Variants in ROBO1 observed in about 807,000 individuals in gnomAD.
ROBO1 encodes the protein roundabout guidance receptor 1.
ROBO1 carries 149 observed loss-of-function variants against 195.9 expected under a neutral mutation model. The observed-to-expected ratio is 0.76, with a 90% CI of 0.67 to 0.87. The LOEUF is 0.87. Among genes scored for constraint, ROBO1 ranks in the 40% least tolerant of loss-of-function variants. The pLI is 0.00. For missense variants in ROBO1, 1,933 were observed against 2,068.3 expected, an observed-to-expected ratio of 0.93 and a Z score of 1.27; for synonymous variants, 816 against 733.2, an observed-to-expected ratio of 1.11 and a Z score of -1.82.
intron 3 of ROBO1, among the ~76,000 whole-genome samples, chr3:78,955,231 AGGT>A (rs1190709211): frequency 2.0e-5 from 3 of 151,410 alleles, no homozygotes; most frequent in African/African-American, 7.3e-5. Context: ...GGGGTTATAC[AGGT>A]AAACTGTGTG....
chr3:78,638,351 T>C (rs1316672564), intron 22 of ROBO1, among the ~76,000 whole-genome samples: 1 of 151,094 alleles, frequency 6.6e-6, no homozygotes, highest in Non-Finnish European at 1.5e-5. Flanking sequence ...TGTACATATA[T>C]ATATATATCG....
intron 3 of ROBO1, among the ~76,000 whole-genome samples, chr3:79,052,746 T>A (rs1432063884): frequency 6.6e-6 from 1 of 152,122 alleles, no homozygotes; most frequent in African/African-American, 2.4e-5. Context: ...TCCCCTGACA[T>A]CTGGCACCCA....
intron 2 of ROBO1, among the ~76,000 whole-genome samples, chr3:79,487,843 T>A (rs1318873069): frequency 6.6e-6 from 1 of 152,142 alleles, no homozygotes; most frequent in Non-Finnish European, 1.5e-5. Flanking sequence ...GGACTTTTAT[T>A]AATGTGAAAT....
At chr3:79,184,748 T>A (rs924151183) in intron 2 of ROBO1, among the ~76,000 whole-genome samples, 3 of 152,154 alleles carry the variant, frequency 2.0e-5, no homozygotes, top group African/African-American at 7.2e-5. Flanking sequence ...CTGGAAAGGA[T>A]CCCTGAAAAG....
At chr3:78,703,928 T>A (rs954495216) in intron 8 of ROBO1, among the ~76,000 whole-genome samples, 1 of 152,084 alleles carries the variant, frequency 6.6e-6, no homozygotes, top group Non-Finnish European at 1.5e-5. Flanking sequence ...TTAAGAATCA[T>A]TCCCTAAAGA....
intron 4 of ROBO1, among the ~76,000 whole-genome samples, chr3:78,932,862 A>G (rs1377680083): frequency 2.0e-5 from 3 of 152,152 alleles, no homozygotes; most frequent in East Asian, 1.9e-4. Flanking sequence ...TACTTCTGCA[A>G]TCAGAATGTA....
chr3:79,053,990 A>G (rs1199652406), intron 3 of ROBO1, among the ~76,000 whole-genome samples: 1 of 152,128 alleles, frequency 6.6e-6, no homozygotes, highest in Non-Finnish European at 1.5e-5. Context: ...AAATGGTATT[A>G]CAAACTTTTT....
At chr3:78,903,093 C>T (rs1486007078) in intron 4 of ROBO1, among the ~76,000 whole-genome samples, 1 of 152,044 alleles carries the variant, frequency 6.6e-6, no homozygotes, top group African/African-American at 2.4e-5. Context: ...CAAACAGAAA[C>T]ACAATTCTCT....
At chr3:78,981,891 T>A (rs1256163608) in intron 3 of ROBO1, among the ~76,000 whole-genome samples, 8 of 151,514 alleles carry the variant, frequency 5.3e-5, no homozygotes, top group Admixed American at 5.3e-4. Flanking sequence ...TTCTTCCCAA[T>A]GAAATCCAAC....
At chr3:78,640,939 CAT>C (rs1705907953) in intron 21 of ROBO1, among the ~76,000 whole-genome samples, 1 of 152,118 alleles carries the variant, frequency 6.6e-6, no homozygotes, top group Admixed American at 6.6e-5. Context: ...TATTCTAGCA[CAT>C]AGTCTACTGA....
rs771242891 is a variant in ROBO1 at position 78,607,013 on chromosome 3, A to G, written c.4464T>C (p.Pro1488=). Reference sequence around the variant, plus strand: ...ATTGGGCAGTAGGTGACTTTATAGCAGGTGGCGGCACAGGAGGTGGTGGAA... The same window carrying G: ...ATTGGGCAGTAGGTGACTTTATAGCGGGTGGCGGCACAGGAGGTGGTGGAA... ...DDLPPPPVPP[P]AIKSPTAQSK... Residue 1488 remains proline, a synonymous_variant, in exon 29 of 31, where the codon CCT becomes CCC. Transcript: ENST00000464233. 5 of 1,612,162 alleles carry G rather than the reference A, an allele frequency of 3.1e-6. No individual in the cohort carries two copies. The Admixed American group carries it at 5.0e-5, about 16-fold the overall frequency.
intron 4 of ROBO1, among the ~76,000 whole-genome samples, chr3:78,749,683 A>G (rs2082740328): frequency 6.6e-6 from 1 of 152,176 alleles, no homozygotes; most frequent in African/African-American, 2.4e-5. Flanking sequence ...AGTTTTCAAA[A>G]TTCATGAGTA....
chr3:79,474,192 C>T (rs143370801), intron 2 of ROBO1, among the ~76,000 whole-genome samples: 67 of 152,184 alleles, frequency 4.4e-4, no homozygotes, highest in Admixed American at 1.8e-3. Context: ...GTAGTAAAGA[C>T]AATTCCTCAA....
chr3:79,259,541 AT>A (rs1242710520), intron 2 of ROBO1, among the ~76,000 whole-genome samples: 2 of 151,790 alleles, frequency 1.3e-5, no homozygotes, highest in Non-Finnish European at 2.9e-5. Flanking sequence ...CATTCTTTCT[AT>A]TTTTTTGTGC....
chr3:78,896,516 C>G (rs560061564), intron 4 of ROBO1, among the ~76,000 whole-genome samples: 169 of 151,916 alleles, frequency 1.1e-3, no homozygotes, highest in African/African-American at 3.8e-3. Context: ...AGATCCACCC[C>G]CTGCCCACAA....
intron 1 of ROBO1, among the ~76,000 whole-genome samples, chr3:79,668,944 C>T (rs1032992102): frequency 7.9e-5 from 12 of 151,934 alleles, no homozygotes; most frequent in Admixed American, 6.6e-4. Flanking sequence ...TATGTGATAA[C>T]ATTTTGGTCA....
At chr3:78,686,228 C>A (rs1206966530) in intron 9 of ROBO1, among the ~76,000 whole-genome samples, 1 of 151,976 alleles carries the variant, frequency 6.6e-6, no homozygotes, top group African/African-American at 2.4e-5. Context: ...ACATATTTTT[C>A]TATCTGTTTT....
intron 2 of ROBO1, among the ~76,000 whole-genome samples, chr3:79,412,874 ATTTTTTTTTTTTTTTTTTTT>A (rs1167482550): frequency 5.7e-4 from 22 of 38,348 alleles, no homozygotes; most frequent in Admixed American, 8.0e-4. Flanking sequence ...TCATGAGCTG[ATTTTTTTTTTTTTTTTTTTT>A]TTTTTTTTTT....
chr3:79,118,789 C>T (rs894770266), intron 3 of ROBO1, among the ~76,000 whole-genome samples: 2 of 150,004 alleles, frequency 1.3e-5, no homozygotes, highest in Non-Finnish European at 3.0e-5. Context: ...TGCTTGAACC[C>T]GGGAGGTGGA....
Sources: allele counts gnomAD v4.1 joint callset (sites outside exome capture counted in the v4.1 genomes callset), GRCh38; gene constraint gnomAD v4.1.1; transcripts MANE v1.5; gene names NCBI Gene and HGNC (gene_info 2026-07-23, HGNC 2026-07-21).